The following DGKI variants were observed in gnomAD, a reference collection of about 807,000 sequenced individuals.
The protein encoded by DGKI is DAG kinase iota.
Under a neutral mutation model 147.5 loss-of-function variants are expected in DGKI, and 55 were observed. The ratio of observed to expected loss-of-function variants is 0.37; its 90% CI spans 0.30 to 0.47. The LOEUF (loss-of-function observed/expected upper bound fraction) is 0.47. DGKI is among the 20% of genes least tolerant of loss of function. DGKI has a pLI of 1.00. For synonymous variants in DGKI, 469 were observed against 477.1 expected, an observed-to-expected ratio of 0.98 and a Z score of 0.22; for missense variants, 1,007 against 1,323.8, an observed-to-expected ratio of 0.76 and a Z score of 3.71.
At chr7:137,473,018 G>A (rs1429365706) in intron 23 of DGKI, among the ~76,000 whole-genome samples, 1 of 152,132 alleles carries the variant, frequency 6.6e-6, no homozygotes, top group Non-Finnish European at 1.5e-5. Context: ...AAAATTGGAT[G>A]TTATTTAGTC....
intron 9 of DGKI, 71 bp from the exon 10 acceptor site, chr7:137,609,135 T>TTTTCCACCTCCCTTGCCTTG: frequency 8.4e-7 from 1 of 1,184,942 alleles, no homozygotes; most frequent in South Asian, 1.3e-5. Context: ...GCAAGGGAGG[T>TTTTCCACCTCCCTTGCCTTG]GGAAAACCAC....
chr7:137,775,765 C>T (rs1215282047), intron 1 of DGKI, among the ~76,000 whole-genome samples: 3 of 152,168 alleles, frequency 2.0e-5, no homozygotes, highest in African/African-American at 7.2e-5. Context: ...GATAGATAAA[C>T]TTATATCCAT....
chr7:137,494,744 C>T (rs1815896602), intron 21 of DGKI, among the ~76,000 whole-genome samples: 1 of 152,108 alleles, frequency 6.6e-6, no homozygotes, highest in South Asian at 2.1e-4. Context: ...ACCAGTGATA[C>T]TATAAAGCAA....
At chr7:137,737,437 T>A (rs1299212563) in intron 1 of DGKI, among the ~76,000 whole-genome samples, 1 of 151,732 alleles carries the variant, frequency 6.6e-6, no homozygotes, top group Non-Finnish European at 1.5e-5. Context: ...TAAAAGTAAC[T>A]AACATCTTAC....
intron 28 of DGKI, among the ~76,000 whole-genome samples, chr7:137,437,084 G>A (rs1813314495): frequency 6.6e-6 from 1 of 152,126 alleles, no homozygotes; most frequent in African/African-American, 2.4e-5. Flanking sequence ...ACTCACTTTG[G>A]GATCAGGAAC....
At chr7:137,651,658 T>C (rs1822031194) in intron 5 of DGKI, among the ~76,000 whole-genome samples, 1 of 152,112 alleles carries the variant, frequency 6.6e-6, no homozygotes, top group Non-Finnish European at 1.5e-5. Flanking sequence ...TAAGCTCCTC[T>C]AACAGGAGTG....
At chr7:137,548,793 C>T (rs1451352834) in intron 20 of DGKI, among the ~76,000 whole-genome samples, 4 of 152,092 alleles carry the variant, frequency 2.6e-5, no homozygotes, top group Non-Finnish European at 4.4e-5. Context: ...CATGGGGAAA[C>T]CCTGTCTCTA....
rs1009604264 is a variant in DGKI, at chr7:137,403,711, T to C, written c.2920+4164A>G. The stretch of plus-strand genomic sequence containing the variant: ...AACAATTTTTCAGATTTATGTCATA[T>C]GAAACCATGGGACAGACATAAACCA... On this transcript the variant is annotated intron_variant, in intron 30 of 32. Coordinates refer to ENST00000614521, the MANE Select transcript of DGKI (RefSeq NM_001321708.2). Among the ~76,000 whole-genome samples the C allele has an allele frequency of 5.9e-5, 9 of 152,216 alleles. No individual in the cohort carries two copies. The East Asian group carries it at 7.7e-4, about 13-fold the overall frequency.
At chr7:137,523,413 C>T (rs1817031529) in intron 20 of DGKI, among the ~76,000 whole-genome samples, 2 of 151,524 alleles carry the variant, frequency 1.3e-5, no homozygotes, top group African/African-American at 4.9e-5. Flanking sequence ...CACACTCACA[C>T]ATGGTGCATT....
At chr7:137,469,151 T>C (rs777476518) in intron 24 of DGKI, among the ~76,000 whole-genome samples, 1 of 152,202 alleles carries the variant, frequency 6.6e-6, no homozygotes, top group Non-Finnish European at 1.5e-5. Context: ...ACTGCAATAA[T>C]GGTCTCATAA....
chr7:137,536,671 G>T (rs1199242160), intron 20 of DGKI, among the ~76,000 whole-genome samples: 3 of 152,172 alleles, frequency 2.0e-5, no homozygotes, highest in Non-Finnish European at 2.9e-5. Flanking sequence ...AATGCAAAAG[G>T]TTAATACATG....
intron 27 of DGKI, among the ~76,000 whole-genome samples, chr7:137,446,217 T>C (rs1219123612): frequency 1.3e-5 from 2 of 152,186 alleles, no homozygotes; most frequent in Non-Finnish European, 2.9e-5. Flanking sequence ...ATCTGAAAAA[T>C]TCCAGATGGC....
intron 1 of DGKI, among the ~76,000 whole-genome samples, chr7:137,813,918 A>G (rs1224271403): frequency 6.6e-6 from 1 of 152,198 alleles, no homozygotes; most frequent in African/African-American, 2.4e-5. Context: ...TATAGACATA[A>G]TTTCCCTTGA....
At chr7:137,696,428 A>G (rs570707937) in intron 1 of DGKI, among the ~76,000 whole-genome samples, 1 of 138,544 alleles carries the variant, frequency 7.2e-6, no homozygotes, top group South Asian at 2.4e-4. Flanking sequence ...AATGCCCAAA[A>G]GACTTTTTTT....
At chr7:137,669,337 C>T (rs973662394) in intron 3 of DGKI, among the ~76,000 whole-genome samples, 1 of 152,094 alleles carries the variant, frequency 6.6e-6, no homozygotes. Context: ...TTGGAGTAAC[C>T]GATAATGCAA....
intron 18 of DGKI, among the ~76,000 whole-genome samples, chr7:137,571,995 G>A (rs1359035238): frequency 6.6e-6 from 1 of 152,164 alleles, no homozygotes; most frequent in Non-Finnish European, 1.5e-5. Context: ...GAATAAAATT[G>A]TAACTGACTA....
At chr7:137,694,279 G>C (rs1223611828) in intron 1 of DGKI, among the ~76,000 whole-genome samples, 2 of 149,518 alleles carry the variant, frequency 1.3e-5, no homozygotes, top group African/African-American at 5.0e-5. Flanking sequence ...CGGAGATCGT[G>C]CCACTGCACT....
intron 10 of DGKI, among the ~76,000 whole-genome samples, chr7:137,608,004 A>G: frequency 1.3e-5 from 2 of 152,334 alleles, no homozygotes; most frequent in East Asian, 3.9e-4. Flanking sequence ...ATAAGCTCCC[A>G]TAAGAGAAGT....
chr7:137,437,232 G>A (rs939258607), intron 28 of DGKI, among the ~76,000 whole-genome samples: 5 of 152,154 alleles, frequency 3.3e-5, no homozygotes, highest in Admixed American at 2.6e-4. Context: ...AGATGAGATT[G>A]CCTATATAGA....
Sources: allele counts gnomAD v4.1 joint callset (sites outside exome capture counted in the v4.1 genomes callset), GRCh38; gene constraint gnomAD v4.1.1; transcripts MANE v1.5; gene names NCBI Gene and HGNC (gene_info 2026-07-23, HGNC 2026-07-21).